The following ENOX2 variants were observed in gnomAD, a reference collection of about 807,000 sequenced individuals.
The protein encoded by ENOX2 is APK1 antigen.
Under a neutral mutation model 45.0 loss-of-function variants are expected in ENOX2, and 36 were observed. The observed-to-expected ratio is 0.80, with a 90% confidence interval of 0.61 to 1.06. ENOX2 has a LOEUF of 1.06. Ranked by LOEUF, ENOX2 falls within the 50% of genes least tolerant of loss-of-function variation. The pLI is 0.00. For missense variants in ENOX2, 423 were observed against 462.5 expected, an observed-to-expected ratio of 0.91 and a Z score of 0.78; for synonymous variants, 174 against 152.3, an observed-to-expected ratio of 1.14 and a Z score of -1.05.
chrX:130,640,519 T>TAA lies in ENOX2; in HGVS notation c.1130-3110_1130-3109insTT, dbSNP rs1410219693. Among the ~76,000 whole-genome samples, 8 of 112,507 alleles carry TAA rather than the reference T, an allele frequency of 7.1e-5. No homozygotes were observed. The East Asian group carries it at 2.2e-3, about 31-fold the overall frequency. On this transcript the variant is annotated intron_variant, in intron 10 of 14. Coordinates refer to ENST00000394363, the MANE Select transcript of ENOX2 (RefSeq NM_006375.4). ...AATCAACCCAAATGCCCCTCAATGA[T>TAA]AGACTGGATAAAGAAAATGTGGTAC...
rs140189926 is a variant in ENOX2, at chrX:130,631,558, G to T, written c.1438C>A (p.Leu480Met). ...LKEKESCASR[L>M]CASNQDSEYP... ...TCGCTATCCTGGTTTGAGGCACACA[G>T]CCTAGAAGCACAGCTTTCCTGTGGA... Residue 480 changes from leucine (L) to methionine (M), a missense_variant, in exon 13 of 15, where the codon CTG becomes ATG. Leu to Met is a conservative substitution (Grantham distance 15). This residue lies in a region of ENOX2 where 108 missense variants were observed against 70.6 expected (regional missense o/e 1.53). Transcript: ENST00000394363. 3.4e-6 allele frequency: 4 copies of T among 1,186,345 alleles called. No individual in the cohort carries two copies. Among genetic ancestry groups the T allele is most frequent in the Non-Finnish European group, 4.6e-6 (4 of 872,363 alleles).
At chrX:130,663,430 C>T (rs1022198376) in intron 9 of ENOX2, among the ~76,000 whole-genome samples, 19 of 107,778 alleles carry the variant, frequency 1.8e-4, no homozygotes, top group African/African-American at 5.1e-4. Context: ...ACTTGGGAGG[C>T]TGAGGCAGGA....
intron 2 of ENOX2, among the ~76,000 whole-genome samples, chrX:130,850,257 C>G (rs2078182432): frequency 9.0e-6 from 1 of 111,138 alleles, no homozygotes. Flanking sequence ...CAGCAGGACA[C>G]CATCAAGGGC....
At chrX:130,677,457 G>A (rs1371965504) in intron 6 of ENOX2, among the ~76,000 whole-genome samples, 3 of 112,293 alleles carry the variant, frequency 2.7e-5, no homozygotes, top group Non-Finnish European at 5.6e-5. Context: ...TTATACCAAT[G>A]AAGATGCTGT....
chrX:130,698,456 A>C (rs1242315971), intron 4 of ENOX2, among the ~76,000 whole-genome samples: 2 of 109,773 alleles, frequency 1.8e-5, no homozygotes, highest in East Asian at 5.8e-4. Context: ...TCCATGGTGA[A>C]TCTTGAGAGT....
intron 4 of ENOX2, among the ~76,000 whole-genome samples, chrX:130,689,554 G>C (rs901347845): frequency 8.9e-6 from 1 of 111,819 alleles, no homozygotes; most frequent in African/African-American, 3.3e-5. Flanking sequence ...AATCTAATAT[G>C]CTGAGCATAG....
At chrX:130,698,461 G>C (rs1167538236) in intron 4 of ENOX2, among the ~76,000 whole-genome samples, 3 of 109,598 alleles carry the variant, frequency 2.7e-5, no homozygotes, top group Admixed American at 9.7e-5. Flanking sequence ...GGTGAATCTT[G>C]AGAGTACCAT....
intron 2 of ENOX2, among the ~76,000 whole-genome samples, chrX:130,815,181 T>A (rs1032318523): frequency 5.4e-5 from 6 of 111,292 alleles, no homozygotes; most frequent in Non-Finnish European, 9.4e-5. Flanking sequence ...AAATAAAGCA[T>A]GAAGACAGAT....
At chrX:130,822,965 A>T (rs1334648840) in intron 2 of ENOX2, among the ~76,000 whole-genome samples, 1 of 111,837 alleles carries the variant, frequency 8.9e-6, no homozygotes, top group Non-Finnish European at 1.9e-5. Flanking sequence ...AATATTTTCA[A>T]CTTATAATGT....
chrX:130,711,917 GGAA>G (rs2038202415), intron 3 of ENOX2, among the ~76,000 whole-genome samples: 1 of 111,347 alleles, frequency 9.0e-6, no homozygotes, highest in Non-Finnish European at 1.9e-5. Flanking sequence ...GGTATAGTGA[GGAA>G]GAAGAAGGCC....
chrX:130,875,926 A>G (rs903777804), intron 2 of ENOX2, among the ~76,000 whole-genome samples: 1 of 112,403 alleles, frequency 8.9e-6, no homozygotes, highest in Admixed American at 9.4e-5. Context: ...CTATTAGTAT[A>G]AAATAAAAAG....
chrX:130,821,742 TAAAAAAAAAAAA>T, intron 2 of ENOX2, among the ~76,000 whole-genome samples: 89 of 23,161 alleles, frequency 3.8e-3, no homozygotes, highest in South Asian at 0.011. Flanking sequence ...ATAAATAAAT[TAAAAAAAAAAAA>T]AAAAAAAAAA....
chrX:130,666,321 G>A (rs2036831574), intron 8 of ENOX2, among the ~76,000 whole-genome samples: 1 of 111,946 alleles, frequency 8.9e-6, no homozygotes, highest in Admixed American at 9.5e-5. Context: ...CTCGTTGACT[G>A]GAAAAATATA....
At chrX:130,700,705 T>C (rs1385506924) in intron 4 of ENOX2, among the ~76,000 whole-genome samples, 3 of 112,078 alleles carry the variant, frequency 2.7e-5, no homozygotes, top group Non-Finnish European at 3.8e-5. Context: ...TATTGGGTGC[T>C]TATTATATGG....
At chrX:130,827,019 T>C (rs893023290) in intron 2 of ENOX2, among the ~76,000 whole-genome samples, 1 of 111,879 alleles carries the variant, frequency 8.9e-6, no homozygotes, top group Non-Finnish European at 1.9e-5. Context: ...TACACAATTA[T>C]CTGCAGTCGG....
intron 2 of ENOX2, among the ~76,000 whole-genome samples, chrX:130,816,914 AGAGCAGAACT>A (rs925146732): frequency 8.0e-5 from 9 of 112,170 alleles, no homozygotes; most frequent in Admixed American, 5.7e-4. Flanking sequence ...AACTAAGATC[AGAGCAGAACT>A]GAAGGAGATA....
chrX:130,634,194 G>A (rs998729903), intron 12 of ENOX2, among the ~76,000 whole-genome samples: 3 of 111,635 alleles, frequency 2.7e-5, no homozygotes, highest in Non-Finnish European at 3.8e-5. Flanking sequence ...TCTGACCCTC[G>A]GTCCAAGCTC....
intron 6 of ENOX2, among the ~76,000 whole-genome samples, chrX:130,670,455 C>CTTG (rs1477057492): frequency 9.0e-6 from 1 of 110,809 alleles, no homozygotes; most frequent in Non-Finnish European, 1.9e-5. Context: ...TTGGGTTAGT[C>CTTG]TTGTTCTTAA....
At chrX:130,855,282 C>A in intron 2 of ENOX2, among the ~76,000 whole-genome samples, 1 of 111,557 alleles carries the variant, frequency 9.0e-6, no homozygotes, top group Non-Finnish European at 1.9e-5. Flanking sequence ...AAATAACATA[C>A]CATTTACAAT....
Sources: allele counts gnomAD v4.1 joint callset (sites outside exome capture counted in the v4.1 genomes callset), GRCh38; gene constraint gnomAD v4.1.1; regional missense constraint gnomAD v4.1.1; transcripts MANE v1.5; gene names NCBI Gene and HGNC (gene_info 2026-07-23, HGNC 2026-07-21).